C2CD5: variants seen among roughly 807,000 people sequenced by gnomAD.
The protein encoded by C2CD5 is C2 calcium dependent domain containing 5.
Under a neutral mutation model 130.3 loss-of-function variants are expected in C2CD5, and 109 were observed. The ratio of observed to expected loss-of-function variants is 0.84; its 90% CI spans 0.72 to 0.98. C2CD5 has a LOEUF of 0.98. Ranked by LOEUF, C2CD5 falls within the 50% of genes least tolerant of loss-of-function variation. The pLI is 0.00. For missense variants in C2CD5, 996 were observed against 1,261.8 expected, an observed-to-expected ratio of 0.79 and a Z score of 3.19; for synonymous variants, 454 against 429.2, an observed-to-expected ratio of 1.06 and a Z score of -0.71.
intron 20 of C2CD5, among the ~76,000 whole-genome samples, chr12:22,471,187 A>G (rs1030379738): frequency 3.3e-5 from 5 of 152,090 alleles, no homozygotes; most frequent in Non-Finnish European, 7.4e-5. Context: ...CCTACTGTAT[A>G]CATGCTGAAG....
Position 22,457,158 on chromosome 12 carries a change from A to G in C2CD5, c.2690T>C (p.Met897Thr), listed in dbSNP as rs762110281. Residue 897 changes from methionine to threonine, a missense_variant, in exon 25 of 27, where the codon ATG (methionine) becomes ACG (threonine). Physicochemically the swap from Met to Thr is moderately conservative, Grantham distance 81. Coordinates refer to ENST00000446597, the MANE Select transcript of C2CD5 (RefSeq NM_001286176.2). ...CACTGGACTTGCTTTTTCAACTGTC[A>G]TGGCTAAAATTGGAGAAAAATGAGA... Reference protein sequence around the residue: ...TIRRGSIKTTMTVEKASPVGD... With the variant: ...TIRRGSIKTTTTVEKASPVGD... 11 of 1,593,892 alleles carry G rather than the reference A, an allele frequency of 6.9e-6. No homozygotes were observed. The highest frequency in any genetic ancestry group is 1.8e-5 in the Admixed American group (1 of 55,732).
intron 11 of C2CD5, among the ~76,000 whole-genome samples, chr12:22,490,779 AAATT>A (rs1168256576): frequency 6.6e-6 from 1 of 152,162 alleles, no homozygotes; most frequent in East Asian, 1.9e-4. Flanking sequence ...AATAATTTTT[AAATT>A]ATTATATGTC....
chr12:22,450,228 C>G (rs1453474344), intron 26 of C2CD5, among the ~76,000 whole-genome samples: 1 of 152,080 alleles, frequency 6.6e-6, no homozygotes, highest in Non-Finnish European at 1.5e-5. Context: ...AAGAGCAACA[C>G]ACTTAACACT....
rs1938082185 is a variant in C2CD5 at position 22,449,626 on chromosome 12, T to C, written c.*134A>G. 1 of 794,974 alleles carries C rather than the reference T, an allele frequency of 1.3e-6. No homozygotes were observed. Among genetic ancestry groups the C allele is most frequent in the African/African-American group, 1.7e-5 (1 of 57,948 alleles). 49.2% of individuals were successfully genotyped at this position (794,974 alleles called of 1,614,324 possible). A position where few individuals can be genotyped will look rare whatever the true frequency, so the allele number is the denominator to read the frequency against. On this transcript the variant is annotated 3_prime_UTR_variant, in exon 27 of 27. Coordinates refer to ENST00000446597, the MANE Select transcript of C2CD5 (RefSeq NM_001286176.2). ...GAAAATTCTCATGCCTCCAAAAGAC[T>C]CCAGGCAAATCAAATCTACTCAATT...
chr12:22,523,688 C>G, intron 6 of C2CD5, 64 bp from the exon 7 acceptor site: 1 of 1,081,854 alleles, frequency 9.2e-7, no homozygotes, highest in African/African-American at 1.7e-5. Flanking sequence ...TAAGACTGGA[C>G]ATGGTAGTGG....
intron 2 of C2CD5, among the ~76,000 whole-genome samples, chr12:22,536,939 C>T (rs748560103): frequency 6.6e-6 from 1 of 151,888 alleles, no homozygotes; most frequent in Admixed American, 6.6e-5. Flanking sequence ...ATTTTCATTC[C>T]ATTTAAATAT....
intron 22 of C2CD5, among the ~76,000 whole-genome samples, chr12:22,468,438 A>C (rs2136138388): frequency 6.6e-6 from 1 of 152,120 alleles, no homozygotes; most frequent in South Asian, 2.1e-4. Context: ...GGCTGGTCTT[A>C]AGCTCCTGGA....
chr12:22,482,926 T>C (rs1421539093), intron 13 of C2CD5, among the ~76,000 whole-genome samples, 183 bp from the exon 14 acceptor site: 1 of 152,134 alleles, frequency 6.6e-6, no homozygotes, highest in African/African-American at 2.4e-5. Flanking sequence ...AAAATCCTAT[T>C]TCATAACAGG....
chr12:22,464,590 TCA>T (rs947374723), intron 22 of C2CD5, among the ~76,000 whole-genome samples: 5 of 152,178 alleles, frequency 3.3e-5, no homozygotes, highest in Non-Finnish European at 7.4e-5. Context: ...GATGAGTTTT[TCA>T]CACATTTTCC....
chr12:22,528,151 A>T (rs1948177540), intron 3 of C2CD5, among the ~76,000 whole-genome samples: 1 of 152,154 alleles, frequency 6.6e-6, no homozygotes, highest in African/African-American at 2.4e-5. Flanking sequence ...TTTAAATCTC[A>T]ATTTTTTTTA....
Position 22,527,776 on chromosome 12 carries a change from ATACAG to A in C2CD5, c.289_293del (p.Leu97Ter). The A allele has an allele frequency of 1.2e-6, 2 of 1,603,598 alleles. No individual in the cohort carries two copies. The highest frequency in any genetic ancestry group is 1.7e-6 in the Non-Finnish European group (2 of 1,171,178). Reference sequence around the variant, plus strand: ...CTGAGATGACTGTTGCAGCTTCACTATACAGTAAAGGATCAATATCAATGTACACT... The same window carrying A: ...CTGAGATGACTGTTGCAGCTTCACTATAAAGGATCAATATCAATGTACACT... On this transcript the variant is annotated frameshift_variant, in exon 4 of 27. Coordinates refer to ENST00000446597, the MANE Select transcript of C2CD5 (RefSeq NM_001286176.2). LOFTEE classifies it high-confidence loss of function.
intron 15 of C2CD5, among the ~76,000 whole-genome samples, chr12:22,475,871 C>T (rs1943767179): frequency 6.6e-6 from 1 of 151,986 alleles, no homozygotes; most frequent in South Asian, 2.1e-4. Context: ...AGTAGTCTGC[C>T]TAAATTTGGA....
chr12:22,469,226 A>T (rs1272447642), intron 22 of C2CD5, among the ~76,000 whole-genome samples: 1 of 152,080 alleles, frequency 6.6e-6, no homozygotes, highest in African/African-American at 2.4e-5. Flanking sequence ...TTCTTCAATT[A>T]TTGCCACAGC....
At chr12:22,495,396 C>T (rs565623040) in intron 10 of C2CD5, among the ~76,000 whole-genome samples, 3 of 151,992 alleles carry the variant, frequency 2.0e-5, no homozygotes, top group South Asian at 2.1e-4. Flanking sequence ...ATTTTTAAAA[C>T]GCCAACATGT....
intron 6 of C2CD5, 37 bp downstream of exon 6, chr12:22,524,435 T>C: frequency 6.3e-7 from 1 of 1,587,870 alleles, no homozygotes; most frequent in South Asian, 1.1e-5. Flanking sequence ...AAGAGAGTAC[T>C]AAATCAGTCA....
rs769305231 is a variant in C2CD5, at chr12:22,512,719, A to C, written c.1038+575T>G. 11 of 1,419,400 alleles carry C rather than the reference A, an allele frequency of 7.7e-6. No homozygotes were observed. The East Asian group carries it at 2.5e-4, about 33-fold the overall frequency. The allele number at this position is 1,419,400 out of a possible 1,614,324, so 87.9% of individuals were successfully genotyped here. ...TTATTTAAAAAAAAAAAAGAGAGAG[A>C]GAGAAATCATCCAAAAACTGTAACT... On this transcript the variant is annotated intron_variant, in intron 9 of 26. Coordinates refer to ENST00000446597, the MANE Select transcript of C2CD5 (RefSeq NM_001286176.2).
intron 6 of C2CD5, among the ~76,000 whole-genome samples, chr12:22,523,949 A>G (rs1950508253): frequency 6.6e-6 from 1 of 152,078 alleles, no homozygotes; most frequent in Non-Finnish European, 1.5e-5. Flanking sequence ...ATATACACAT[A>G]TAACTCTTAA....
chr12:22,533,887 T>C (rs957449706), intron 3 of C2CD5, among the ~76,000 whole-genome samples: 4 of 152,320 alleles, frequency 2.6e-5, no homozygotes, highest in Non-Finnish European at 4.4e-5. Context: ...AATTTCTACA[T>C]ACATGAATGA....
chr12:22,468,145 C>T (rs1942413794), intron 22 of C2CD5, among the ~76,000 whole-genome samples: 3 of 148,360 alleles, frequency 2.0e-5, no homozygotes, highest in Admixed American at 6.8e-5. Flanking sequence ...TTGGAACTAA[C>T]CCTGAATAAA....
Sources: allele counts gnomAD v4.1 joint callset (sites outside exome capture counted in the v4.1 genomes callset), GRCh38; gene constraint gnomAD v4.1.1; transcripts MANE v1.5; gene names NCBI Gene and HGNC (gene_info 2026-07-23, HGNC 2026-07-21).